Variants in ZSCAN23 observed in about 807,000 individuals in gnomAD.
ZSCAN23 encodes the protein zinc finger and SCAN domain-containing protein 23.
In ZSCAN23, 19 loss-of-function variants were observed where a neutral mutation model predicts 19.3. The observed-to-expected ratio is 0.99, with a 90% CI of 0.69 to 1.45. The LOEUF is 1.45. Ranked by LOEUF, ZSCAN23 falls within the 40% of genes most tolerant of loss-of-function variation. ZSCAN23 has a pLI of 0.00. For missense variants in ZSCAN23, 372 were observed against 462.5 expected (o/e 0.80, Z 1.79); for synonymous variants, 140 against 166.2 (o/e 0.84, Z 1.21).
chr6:28,424,353 G>A, the ZSCAN23 span, among the ~76,000 whole-genome samples: 3 of 152,190 alleles, frequency 2.0e-5, no homozygotes, highest in African/African-American at 7.2e-5. Context: ...CTTAATGTCT[G>A]CTGACTCATG....
Position 28,435,678 on chromosome 6 carries a change from G to T in ZSCAN23, c.409-71C>A, listed in dbSNP as rs572651399. 4.2e-5 allele frequency: 61 copies of T among 1,469,552 alleles called. 1 individual carries two copies. The East Asian group carries it at 8.2e-4, about 20-fold the overall frequency. The allele number at this position is 1,469,552 out of a possible 1,614,324, so 91.0% of individuals were successfully genotyped here. A position where few individuals can be genotyped will look rare whatever the true frequency, so the allele number is the denominator to read the frequency against. On this transcript the variant is annotated intron_variant, in intron 2 of 3. Transcript: ENST00000289788. ...ATGGCAAGGAGGCCTCCTCAGGGCC[G>T]CTGGATAGAAAAGAAGGACCAAGAA...
downstream of ZSCAN23, among the ~76,000 whole-genome samples, chr6:28,428,822 A>G (rs574391515): frequency 4.1e-4 from 62 of 152,126 alleles, no homozygotes; most frequent in Non-Finnish European, 8.5e-4. Flanking sequence ...CCACCAGCAT[A>G]CTGATCTCTT....
Position 28,432,821 on chromosome 6 carries a change from G to A in ZSCAN23, c.*1644C>T, listed in dbSNP as rs1443194986. On this transcript the variant is annotated 3_prime_UTR_variant, in exon 4 of 4. Coordinates refer to ENST00000289788, the MANE Select transcript of ZSCAN23 (RefSeq NM_001012455.2). ...ATGAAAACAGCAAGGTATTAGAAGA[G>A]TATAAATAATATGCCATCTTCCTGA... is the stretch of plus-strand genomic sequence containing the variant. 1 of 152,014 alleles carries A rather than the reference G, an allele frequency of 6.6e-6. No individual in the cohort carries two copies. The highest frequency in any genetic ancestry group is 1.5e-5 in the Non-Finnish European group (1 of 67,950). 9.4% of individuals were successfully genotyped at this position (152,014 alleles called of 1,614,324 possible).
intron 1 of ZSCAN23, among the ~76,000 whole-genome samples, chr6:28,439,682 T>C (rs893992443): frequency 1.3e-5 from 2 of 152,198 alleles, no homozygotes; most frequent in African/African-American, 4.8e-5. Context: ...GCTTTATATA[T>C]ATTAACCCAT....
At chr6:28,429,632 G>C (rs1017572084), downstream of ZSCAN23, among the ~76,000 whole-genome samples, 2 of 152,120 alleles carry the variant, frequency 1.3e-5, no homozygotes, top group Non-Finnish European at 2.9e-5. Flanking sequence ...AGAAGGGGGT[G>C]ATCCATACAG....
intron 1 of ZSCAN23, among the ~76,000 whole-genome samples, chr6:28,438,080 TG>T (rs1469791773): frequency 6.7e-6 from 1 of 149,704 alleles, no homozygotes; most frequent in Non-Finnish European, 1.5e-5. Flanking sequence ...TACTCTATTC[TG>T]TTTGTTGTTT....
chr6:28,428,328 T>A (rs1761695747), downstream of ZSCAN23, among the ~76,000 whole-genome samples: 1 of 152,224 alleles, frequency 6.6e-6, no homozygotes. Context: ...GTGACCAATT[T>A]ATTCTCCAAT....
downstream of ZSCAN23, among the ~76,000 whole-genome samples, chr6:28,430,903 A>T (rs1761749084): frequency 6.6e-6 from 1 of 152,174 alleles, no homozygotes; most frequent in East Asian, 1.9e-4. Context: ...TTAACACTGC[A>T]AGCTCTGATC....
chr6:28,424,093 G>A, the ZSCAN23 span, among the ~76,000 whole-genome samples: 1 of 152,040 alleles, frequency 6.6e-6, no homozygotes, highest in Admixed American at 6.5e-5. Flanking sequence ...AACATTTACA[G>A]GCATACATTG....
intron 1 of ZSCAN23, among the ~76,000 whole-genome samples, chr6:28,440,214 C>T (rs560424655): frequency 6.6e-6 from 1 of 151,986 alleles, no homozygotes; most frequent in Non-Finnish European, 1.5e-5. Context: ...ATGGCTGGAA[C>T]AAAGAAAACA....
Position 28,434,360 on chromosome 6 carries a change from C to A in ZSCAN23, c.*105G>T. On this transcript the variant is annotated 3_prime_UTR_variant, in exon 4 of 4. Transcript: ENST00000289788. ...ATTTAAGATATTATGCTTCTCTCTG[C>A]ATAAAAGTAAGGGAATTTTTACTGG... The A allele has an allele frequency of 3.0e-6, 4 of 1,317,772 alleles. No homozygotes were observed. Among genetic ancestry groups the A allele is most frequent in the East Asian group, 2.5e-5 (1 of 39,374 alleles). 81.6% of individuals were successfully genotyped at this position (1,317,772 alleles called of 1,614,324 possible).
the ZSCAN23 span, among the ~76,000 whole-genome samples, chr6:28,421,552 G>A: frequency 6.6e-6 from 1 of 152,008 alleles, no homozygotes; most frequent in Admixed American, 6.6e-5. Context: ...GAAAATAATA[G>A]GCTTCAAATA....
Position 28,432,906 on chromosome 6 carries a change from G to T in ZSCAN23, c.*1559C>A, listed in dbSNP as rs975158073. 2.6e-5 allele frequency: 4 copies of T among 152,050 alleles called. No homozygotes were observed. Among genetic ancestry groups the T allele is most frequent in the African/African-American group, 9.7e-5 (4 of 41,434 alleles). 9.4% of individuals were successfully genotyped at this position (152,050 alleles called of 1,614,324 possible). A position where few individuals can be genotyped will look rare whatever the true frequency, so the allele number is the denominator to read the frequency against. On this transcript the variant is annotated 3_prime_UTR_variant, in exon 4 of 4. Coordinates refer to ENST00000289788, the MANE Select transcript of ZSCAN23 (RefSeq NM_001012455.2). ...GCCTATATTTACATAAAGAAACACT[G>T]AAAGATACATAAGAAACTAGTACAA...
chr6:28,421,400 T>G, the ZSCAN23 span, among the ~76,000 whole-genome samples: 2 of 152,164 alleles, frequency 1.3e-5, no homozygotes, highest in African/African-American at 4.8e-5. Flanking sequence ...GGGAAATGTC[T>G]CTTTATATAA....
intron 1 of ZSCAN23, among the ~76,000 whole-genome samples, chr6:28,440,055 A>C (rs1361090418): frequency 6.6e-6 from 1 of 152,240 alleles, no homozygotes; most frequent in Non-Finnish European, 1.5e-5. Flanking sequence ...AGGCCTTGAT[A>C]AGGTAATGGT....
chr6:28,434,894 T>C lies in ZSCAN23; in HGVS notation c.741A>G (p.Arg247=). ...EKQRVSSSVE[R]PYICSECGKS... is the part of the protein sequence containing the mutation. ...TTCCACATTCACTACAGATATAGGG[T>C]CTCTCCACTGAAGAGCTCACCCTTT... The change falls in exon 4 of 4, where the codon AGA becomes AGG. Residue 247 remains arginine (R), a synonymous_variant. Coordinates refer to ENST00000289788, the MANE Select transcript of ZSCAN23 (RefSeq NM_001012455.2). The C allele has an allele frequency of 6.4e-7, 1 of 1,554,350 alleles. No individual in the cohort carries two copies. Among genetic ancestry groups the C allele is most frequent in the East Asian group, 2.4e-5 (1 of 41,090 alleles).
Position 28,434,853 on chromosome 6 carries a change from T to C in ZSCAN23, c.782A>G (p.Asn261Ser), listed in dbSNP as rs138520846. Residue 261 changes from asparagine (N) to serine (S), a missense_variant, in exon 4 of 4, where the codon AAT (asparagine) becomes AGT (serine). By Grantham distance (46) the Asn-to-Ser change is conservative. Coordinates refer to ENST00000289788, the MANE Select transcript of ZSCAN23 (RefSeq NM_001012455.2). ...CSECGKSFTQ[N>S]SILIEHQRTH... ...TCTCTGGTGCTCGATAAGGATGGAA[T>C]TCTGGGTGAAGCTTTTTCCACATTC... The C allele has an allele frequency of 1.2e-5, 19 of 1,576,578 alleles. No homozygotes were observed. Among genetic ancestry groups the C allele is most frequent in the Non-Finnish European group, 1.6e-5 (19 of 1,160,928 alleles).
rs1473095765 is a variant in ZSCAN23 at position 28,435,431 on chromosome 6, A to G, written c.556+29T>C. On this transcript the variant is annotated intron_variant, in intron 3 of 3. Coordinates refer to ENST00000289788, the MANE Select transcript of ZSCAN23 (RefSeq NM_001012455.2). Reference sequence around the variant, plus strand: ...TTGATAAATATTCAGGGAATGAGGTAGGCTGTCTGAGGAAATCCTGATCCT... The same window carrying G: ...TTGATAAATATTCAGGGAATGAGGTGGGCTGTCTGAGGAAATCCTGATCCT... 58 of 1,547,702 alleles carry G rather than the reference A, an allele frequency of 3.7e-5. 1 individual carries two copies. Among genetic ancestry groups the G allele is most frequent in the Non-Finnish European group, 5.0e-5 (57 of 1,145,178 alleles).
At chr6:28,428,595 T>C (rs549114537), downstream of ZSCAN23, among the ~76,000 whole-genome samples, 15 of 152,342 alleles carry the variant, frequency 9.8e-5, no homozygotes, top group African/African-American at 2.6e-4. Context: ...CACCAACTTA[T>C]GGTTTTGGTT....
Sources: gnomAD v4.1 joint callset for allele counts (sites outside exome capture counted in the v4.1 genomes callset) on GRCh38, gnomAD v4.1.1 for gene constraint, MANE v1.5 for transcripts, NCBI Gene and HGNC (gene_info 2026-07-23, HGNC 2026-07-21) for gene names.